The following ADCYAP1 variants were observed in gnomAD, a reference collection of about 807,000 sequenced individuals.
The protein encoded by ADCYAP1 is pituitary adenylate cyclase-activating polypeptide.
ADCYAP1 carries 6 observed loss-of-function variants against 18.5 expected under a neutral mutation model. The observed-to-expected ratio is 0.32, with a 90% CI of 0.18 to 0.64. The LOEUF (loss-of-function observed/expected upper bound fraction) is 0.64, where lower values mean the gene tolerates loss of function less well. Ranked by LOEUF, ADCYAP1 falls within the 30% of genes least tolerant of loss-of-function variation. The pLI is 0.77. For missense variants in ADCYAP1, 314 were observed against 253.6 expected (o/e 1.24, Z -1.62); for synonymous variants, 136 against 113.9 (o/e 1.19, Z -1.24).
intron 3 of ADCYAP1, 104 bp downstream of exon 3, chr18:907,894 G>T (rs1220312813): frequency 2.3e-5 from 31 of 1,349,280 alleles, no homozygotes; most frequent in African/African-American, 1.1e-4. Flanking sequence ...TTTTTTTCCC[G>T]TGAAAGTCCT....
At chr18:905,729 G>A (rs959711539) in intron 2 of ADCYAP1, 34 of 561,038 alleles carry the variant, frequency 6.1e-5, no homozygotes, top group African/African-American at 4.4e-4. Context: ...TCAGGGTCCC[G>A]GGTAGAGCCA....
At position 909,599 on chromosome 18, in the gene ADCYAP1, G is replaced by C. The variant is rs186853700; in HGVS notation, c.495G>C (p.Arg165Ser). ...TCCTAGGGAAGAGGTATAAACAAAG[G>C]GTTAAAAACAAAGGACGCCGAATAG... ...AAVLGKRYKQ[R>S]VKNKGRRIAY... Residue 165 changes from arginine to serine, a missense_variant, in exon 5 of 5, where the codon AGG becomes AGC. Arg to Ser is a moderately radical substitution (Grantham distance 110, BLOSUM62 -1). Coordinates refer to ENST00000450565, the MANE Select transcript of ADCYAP1 (RefSeq NM_001099733.2). 6.2e-7 allele frequency: 1 copy of C among 1,613,794 alleles called. No homozygotes were observed. Among genetic ancestry groups the C allele is most frequent in the African/African-American group, 1.3e-5 (1 of 75,008 alleles).
chr18:909,049 C>A (rs1909283702), intron 4 of ADCYAP1, among the ~76,000 whole-genome samples: 1 of 152,174 alleles, frequency 6.6e-6, no homozygotes, highest in Non-Finnish European at 1.5e-5. Context: ...GCCAGACTGG[C>A]ATATGTAGGG....
In ADCYAP1 at chr18:907,647, G is replaced by A. The variant is rs776366512; in HGVS notation, c.111-12G>A. The A allele has an allele frequency of 4.4e-6, 7 of 1,579,818 alleles. No individual in the cohort carries two copies. The South Asian group carries it at 6.8e-5, about 15-fold the overall frequency. On this transcript the variant is annotated splice_polypyrimidine_tract_variant and intron_variant, in intron 2 of 4. Coordinates refer to ENST00000450565, the MANE Select transcript of ADCYAP1 (RefSeq NM_001099733.2). ...GCACTGACCACACCTTCTGTCCCCG[G>A]CCACCCCGCAGGCCAGAGGAAGAGG...
At chr18:908,397 C>A in intron 4 of ADCYAP1, 34 bp downstream of exon 4, 1 of 1,583,512 alleles carries the variant, frequency 6.3e-7, no homozygotes, top group South Asian at 1.1e-5. Flanking sequence ...CCTGCGCGCG[C>A]CGGGGTGGGT....
chr18:905,827 T>G, intron 2 of ADCYAP1: 1 of 362,536 alleles, frequency 2.8e-6, no homozygotes. Context: ...TGGTTTCTTT[T>G]ACCTATTCTT....
intron 4 of ADCYAP1, among the ~76,000 whole-genome samples, chr18:909,086 G>A (rs1909284733): frequency 6.6e-6 from 1 of 152,192 alleles, no homozygotes; most frequent in African/African-American, 2.4e-5. Context: ...TCTGTATGTC[G>A]CGGGTGAGAG....
At chr18:907,628 A>G in intron 2 of ADCYAP1, 31 bp from the exon 3 acceptor site, 1 of 1,575,568 alleles carries the variant, frequency 6.3e-7, no homozygotes, top group Non-Finnish European at 8.5e-7. Context: ...ACTTGCACTG[A>G]CCACACCTTC....
upstream of ADCYAP1, chr18:904,659 C>T: frequency 3.3e-6 from 4 of 1,223,102 alleles, no homozygotes; most frequent in South Asian, 1.4e-5. Context: ...GGGCTAGCCG[C>T]CCGCCCTCTC....
chr18:905,456 A>C lies in ADCYAP1; in HGVS notation c.70A>C (p.Ser24Arg), dbSNP rs1381687555. 7.4e-6 allele frequency: 12 copies of C among 1,611,178 alleles called. No homozygotes were observed. Among genetic ancestry groups the C allele is most frequent in the Non-Finnish European group, 1.0e-5 (12 of 1,180,004 alleles). The part of the protein sequence containing the change: ...YGIIMHSSVY[S>R]SPAAAGLRFP... ...GATAATCATGCACAGCAGCGTCTAC[A>C]GCTCACCTGCCGCCGCCGGACTCCG... Residue 24 changes from serine (S) to arginine (R), a missense_variant, in exon 2 of 5, where the codon AGC becomes CGC. Coordinates refer to ENST00000450565, the MANE Select transcript of ADCYAP1 (RefSeq NM_001099733.2).
chr18:904,590 G>T (rs1314458162), upstream of ADCYAP1: 1 of 1,272,236 alleles, frequency 7.9e-7, no homozygotes, highest in Non-Finnish European at 1.0e-6. Flanking sequence ...GAGAGACCTC[G>T]GAGCAGAGAA....
chr18:909,507 G>C lies in ADCYAP1; in HGVS notation c.403G>C (p.Gly135Arg). The change falls in exon 5 of 5, where the codon GGG becomes CGG. Residue 135 changes from glycine (G) to arginine (R), a missense_variant. Gly to Arg is a moderately radical substitution (Grantham distance 125, BLOSUM62 -2). Transcript: ENST00000450565. Reference sequence around the variant, plus strand: ...GCCGCTCTCCAAGCGCCACTCGGACGGGATCTTCACGGACAGCTACAGCCG... The same window carrying C: ...GCCGCTCTCCAAGCGCCACTCGGACCGGATCTTCACGGACAGCTACAGCCG... ...AEPLSKRHSDGIFTDSYSRYR... is the reference protein window; with the variant it reads ...AEPLSKRHSDRIFTDSYSRYR... 1 of 1,613,908 alleles carries C rather than the reference G, an allele frequency of 6.2e-7. No homozygotes were observed. Among genetic ancestry groups the C allele is most frequent in the Non-Finnish European group, 8.5e-7 (1 of 1,179,994 alleles).
At chr18:905,536 T>C (rs2231183) in intron 2 of ADCYAP1, 40 bp downstream of exon 2, 1,553,410 of 1,599,140 alleles carry the variant, frequency 0.97, 755,754 homozygotes, top group East Asian at 0.99. Context: ...AGCTGGGGCT[T>C]CCCAGGCACA....
chr18:909,032 G>A (rs1445056449), intron 4 of ADCYAP1, among the ~76,000 whole-genome samples: 1 of 152,168 alleles, frequency 6.6e-6, no homozygotes, highest in East Asian at 1.9e-4. Context: ...CAAACTCCAG[G>A]GCAGCAGCCA....
chr18:907,930 T>G, intron 3 of ADCYAP1, 140 bp downstream of exon 3: 1 of 1,339,220 alleles, frequency 7.5e-7, no homozygotes, highest in Non-Finnish European at 9.6e-7. Context: ...CCTGGCCCGA[T>G]CCTATTGCAG....
intron 4 of ADCYAP1, among the ~76,000 whole-genome samples, chr18:908,823 C>T (rs1161469751): frequency 6.6e-6 from 1 of 152,168 alleles, no homozygotes; most frequent in Non-Finnish European, 1.5e-5. Flanking sequence ...GAGCACAGGG[C>T]TTGTGTGAAG....
chr18:905,257 G>A, intron 1 of ADCYAP1, 129 bp from the exon 2 acceptor site: 1 of 1,498,654 alleles, frequency 6.7e-7, no homozygotes, highest in South Asian at 1.3e-5. Context: ...CTGTCGCCAA[G>A]TGCTGTTCAA....
chr18:905,279 G>A (rs886294261), intron 1 of ADCYAP1, 107 bp from the exon 2 acceptor site: 44 of 1,521,924 alleles, frequency 2.9e-5, no homozygotes, highest in Middle Eastern at 1.8e-4. Flanking sequence ...TCAGGGAGCC[G>A]GGGCTTCGCT....
Position 911,335 on chromosome 18 carries a change from C to T in ADCYAP1, c.*1700C>T, listed in dbSNP as rs905756979. ...ATCAGATCGAGCAGCAACAGACAAA[C>T]CAGCCAGCCAATCTCCCAAATTTCA... On this transcript the variant is annotated 3_prime_UTR_variant, in exon 5 of 5. Coordinates refer to ENST00000450565, the MANE Select transcript of ADCYAP1 (RefSeq NM_001099733.2). 1 of 149,926 alleles carries T rather than the reference C, an allele frequency of 6.7e-6. No individual in the cohort carries two copies. Among genetic ancestry groups the T allele is most frequent in the Non-Finnish European group, 1.5e-5 (1 of 67,854 alleles). The allele number at this position is 149,926 out of a possible 1,614,324, so 9.3% of individuals were successfully genotyped here.
Sources: allele counts gnomAD v4.1 joint callset (sites outside exome capture counted in the v4.1 genomes callset), GRCh38; gene constraint gnomAD v4.1.1; transcripts MANE v1.5; gene names NCBI Gene and HGNC (gene_info 2026-07-23, HGNC 2026-07-21).